Variants in BCAS3 observed in about 807,000 individuals in gnomAD.
The protein encoded by BCAS3 is BCAS3 microtubule associated cell migration factor, also known as BCAS4/BCAS3 fusion.
In BCAS3, 53 loss-of-function variants were observed where a neutral mutation model predicts 116.1. The ratio of observed to expected loss-of-function variants is 0.46; its 90% CI spans 0.37 to 0.57. BCAS3 has a LOEUF of 0.57. BCAS3 is among the 20% of genes least tolerant of loss of function. The probability of loss-of-function intolerance (pLI) is 0.00; values close to 1 mark genes in which losing one functional copy is unlikely to be tolerated. For synonymous variants in BCAS3, 391 were observed against 408.2 expected (o/e 0.96, Z 0.51); for missense variants, 917 against 1,165.4 (o/e 0.79, Z 3.10).
intron 6 of BCAS3, among the ~76,000 whole-genome samples, chr17:60,807,126 CTAATT>C (rs1328262924): frequency 6.6e-6 from 1 of 151,976 alleles, no homozygotes; most frequent in Non-Finnish European, 1.5e-5. Context: ...GGTATAGAGT[CTAATT>C]GAATGCTTTT....
chr17:61,377,336 G>A lies in BCAS3; in HGVS notation c.2593+8842G>A, dbSNP rs926595135. Among the ~76,000 whole-genome samples the A allele has an allele frequency of 1.3e-5, 2 of 152,186 alleles. No homozygotes were observed. Among genetic ancestry groups the A allele is most frequent in the African/African-American group, 4.8e-5 (2 of 41,446 alleles). On this transcript the variant is annotated intron_variant, in intron 23 of 23. Coordinates refer to ENST00000407086, the MANE Select transcript of BCAS3 (RefSeq NM_017679.5). The surrounding 1 kb of genome is among the most constrained non-coding windows in gnomAD (Gnocchi z 4.6). ...GCGCCAGCGAGACTGTGGGACAGCC[G>A]GTGGCCTCGGCAGGGGTGGTGTTGT...
rs1258165718 is a variant in BCAS3 at position 61,004,453 on chromosome 17, ATGAT to A, written c.1487-11294_1487-11291del. On this transcript the variant is annotated intron_variant, in intron 15 of 23. Transcript: ENST00000407086. This position sits in a 1 kb window ranked among gnomAD's most constrained non-coding sequence, Gnocchi z 4.8. The stretch of plus-strand genomic sequence containing the variant: ...AGGATTTGTAGTAGCCAGAGTTTGA[ATGAT>A]TGACCCATATGAACAGATTTAGAAA... Among the ~76,000 whole-genome samples, 1 of 152,016 alleles carries A rather than the reference ATGAT, an allele frequency of 6.6e-6. No homozygotes were observed. The highest frequency in any genetic ancestry group is 1.9e-4 in the East Asian group (1 of 5,168).
At chr17:61,294,160 A>G (rs1293541399) in intron 22 of BCAS3, among the ~76,000 whole-genome samples, 12 of 152,260 alleles carry the variant, frequency 7.9e-5, no homozygotes. Context: ...ATTTTAAAAT[A>G]CAATAAATGT....
At chr17:61,170,324 G>A (rs906958915) in intron 22 of BCAS3, among the ~76,000 whole-genome samples, 6 of 151,384 alleles carry the variant, frequency 4.0e-5, no homozygotes, top group Non-Finnish European at 5.9e-5. Context: ...ACGGAGTCTC[G>A]CTCTGTCGCC....
chr17:61,081,254 T>C (rs2143513339), intron 21 of BCAS3, among the ~76,000 whole-genome samples: 2 of 152,346 alleles, frequency 1.3e-5, no homozygotes, highest in Middle Eastern at 6.8e-3. Flanking sequence ...AGCTGCTATT[T>C]ATAAAGCCCT....
In BCAS3 at chr17:61,126,681, C is replaced by G. The variant is rs540145733; in HGVS notation, c.2425+42117C>G. 2.0e-5 allele frequency among the ~76,000 whole-genome samples: 3 copies of G among 152,240 alleles called. No homozygotes were observed. In the South Asian group the frequency reaches 6.2e-4, roughly 32 times the overall value. ...TGATTTCCTTTTTAGCTGCTGATTT[C>G]TACTGGGAAATGTATCCTTGGACTG... On this transcript the variant is annotated intron_variant, in intron 22 of 23. Coordinates refer to ENST00000407086, the MANE Select transcript of BCAS3 (RefSeq NM_017679.5). The surrounding 1 kb of genome is among the most constrained non-coding windows in gnomAD (Gnocchi z 4.6).
chr17:61,290,882 G>A (rs539275036), intron 22 of BCAS3, among the ~76,000 whole-genome samples: 6 of 152,244 alleles, frequency 3.9e-5, no homozygotes, highest in East Asian at 1.9e-4. Context: ...CCGGGTTCAT[G>A]CCATTCTCCT....
In BCAS3 at chr17:61,362,354, A is replaced by G. The variant is rs1008261167; in HGVS notation, c.2426-5973A>G. On this transcript the variant is annotated intron_variant, in intron 22 of 23. Transcript: ENST00000407086. This position sits in a 1 kb window ranked among gnomAD's most constrained non-coding sequence, Gnocchi z 4.4. ...GCTTAATGCAGGTTTTGCTTTTGGT[A>G]TCTGGCCTCCCTGGTGGTTAGAAAT... Among the ~76,000 whole-genome samples the G allele has an allele frequency of 6.6e-6, 1 of 152,218 alleles. No individual in the cohort carries two copies. The highest frequency in any genetic ancestry group is 1.5e-5 in the Non-Finnish European group (1 of 68,030).
At chr17:61,318,636 C>T (rs1366090689) in intron 22 of BCAS3, among the ~76,000 whole-genome samples, 1 of 152,178 alleles carries the variant, frequency 6.6e-6, no homozygotes, top group Non-Finnish European at 1.5e-5. Context: ...AGGCAGCAGC[C>T]TTGTGTTGGG....
Position 61,028,071 on chromosome 17 carries a change from G to A in BCAS3, c.1638-6595G>A, listed in dbSNP as rs1024956369. The stretch of plus-strand genomic sequence containing the variant: ...GTAGTTCTCATAACTGCTAAATGGG[G>A]ATTGTTCATACTGTTCTATTACACT... On this transcript the variant is annotated intron_variant, in intron 16 of 23. Coordinates refer to ENST00000407086, the MANE Select transcript of BCAS3 (RefSeq NM_017679.5). This position sits in a 1 kb window ranked among gnomAD's most constrained non-coding sequence, Gnocchi z 4.3. 7.3e-5 allele frequency among the ~76,000 whole-genome samples: 11 copies of A among 151,644 alleles called. No individual in the cohort carries two copies. Among genetic ancestry groups the A allele is most frequent in the Non-Finnish European group, 1.0e-4 (7 of 67,748 alleles).
chr17:61,160,034 G>A, intron 22 of BCAS3, among the ~76,000 whole-genome samples: 1 of 143,940 alleles, frequency 6.9e-6, no homozygotes. Context: ...TGGTATCTTT[G>A]ATTTAAATAA....
intron 15 of BCAS3, among the ~76,000 whole-genome samples, chr17:61,010,489 C>CT (rs531855714): frequency 0.045 from 6,571 of 145,580 alleles, 456 homozygotes; most frequent in African/African-American, 0.15. Flanking sequence ...TTCATAATTC[C>CT]TTTTTTTTTT....
intron 14 of BCAS3, among the ~76,000 whole-genome samples, chr17:60,965,297 C>T (rs1283340152): frequency 1.3e-5 from 2 of 149,058 alleles, no homozygotes; most frequent in Admixed American, 6.7e-5. Flanking sequence ...TCTTGGCTCA[C>T]TGCAACCTCT....
At chr17:61,182,581 A>G (rs1170429478) in intron 22 of BCAS3, among the ~76,000 whole-genome samples, 1 of 152,162 alleles carries the variant, frequency 6.6e-6, no homozygotes, top group Non-Finnish European at 1.5e-5. Flanking sequence ...TTCTTAGTAA[A>G]TTTACAGAGT....
Position 61,262,432 on chromosome 17 carries a change from G to C in BCAS3, c.2426-105895G>C, listed in dbSNP as rs1360227349. On this transcript the variant is annotated intron_variant, in intron 22 of 23. Coordinates refer to ENST00000407086, the MANE Select transcript of BCAS3 (RefSeq NM_017679.5). The stretch of plus-strand genomic sequence containing the variant: ...TTCTCACTCTTTCGCCCAGGCTGTA[G>C]TGTAGTGGCACGATCTCCACTCACC... 2.0e-5 allele frequency among the ~76,000 whole-genome samples: 3 copies of C among 150,916 alleles called. No individual in the cohort carries two copies. In the East Asian group the frequency reaches 5.8e-4, roughly 29 times the overall value.
intron 2 of BCAS3, among the ~76,000 whole-genome samples, chr17:60,683,714 C>T (rs2033593142): frequency 6.6e-6 from 1 of 151,314 alleles, no homozygotes; most frequent in Non-Finnish European, 1.5e-5. Context: ...TGTCTGTAGT[C>T]CCAGCTACTT....
In BCAS3 at chr17:61,286,738, C is replaced by T. The variant is rs1027631406; in HGVS notation, c.2426-81589C>T. 6.6e-6 allele frequency among the ~76,000 whole-genome samples: 1 copy of T among 152,136 alleles called. No individual in the cohort carries two copies. The highest frequency in any genetic ancestry group is 1.5e-5 in the Non-Finnish European group (1 of 68,034). ...GTTGGACTGTAAATATGTTTGGTCT[C>T]TAAACTCTGCCACGGGCTTACCAGA... On this transcript the variant is annotated intron_variant, in intron 22 of 23. Coordinates refer to ENST00000407086, the MANE Select transcript of BCAS3 (RefSeq NM_017679.5). This position sits in a 1 kb window ranked among gnomAD's most constrained non-coding sequence, Gnocchi z 4.8.
intron 4 of BCAS3, among the ~76,000 whole-genome samples, chr17:60,703,611 A>G (rs1186881844): frequency 6.6e-6 from 1 of 151,312 alleles, no homozygotes; most frequent in African/African-American, 2.4e-5. Context: ...TGGGTGCAGG[A>G]TGCTGTAAGA....
In BCAS3 at chr17:61,068,407, T is replaced by C. The variant is rs978046491; in HGVS notation, c.2030-6513T>C. Among the ~76,000 whole-genome samples the C allele has an allele frequency of 2.6e-5, 4 of 152,188 alleles. No individual in the cohort carries two copies. The highest frequency in any genetic ancestry group is 1.3e-4 in the Admixed American group (2 of 15,280). On this transcript the variant is annotated intron_variant, in intron 19 of 23. Coordinates refer to ENST00000407086, the MANE Select transcript of BCAS3 (RefSeq NM_017679.5). The surrounding 1 kb of genome is among the most constrained non-coding windows in gnomAD (Gnocchi z 4.3). The stretch of plus-strand genomic sequence containing the variant: ...AATTGTCACCACTGACATGTCCCAT[T>C]TCCCCACCAGATCATTGGCCATTGG...
Sources: gnomAD v4.1 joint callset for allele counts (sites outside exome capture counted in the v4.1 genomes callset) on GRCh38, gnomAD v4.1.1 for gene constraint, Gnocchi (gnomAD v3.1) non-coding constraint, MANE v1.5 for transcripts, NCBI Gene and HGNC (gene_info 2026-07-23, HGNC 2026-07-21) for gene names.